TDRKH: variants seen among roughly 807,000 people sequenced by gnomAD.
TDRKH encodes the protein tudor and KH domain containing.
A neutral mutation model predicts 61.3 loss-of-function variants in TDRKH; 28 were observed. That is an observed-to-expected ratio of 0.46 (90% CI 0.34 to 0.63). TDRKH has a LOEUF of 0.63. TDRKH is among the 20% of genes least tolerant of loss of function. The pLI, the probability that TDRKH is intolerant of heterozygous loss-of-function variation, is 0.01. For synonymous variants in TDRKH, 219 were observed against 244.4 expected, an observed-to-expected ratio of 0.90 and a Z score of 0.97; for missense variants, 540 against 683.4, an observed-to-expected ratio of 0.79 and a Z score of 2.34.
rs764627172 is a variant in TDRKH, at chr1:151,781,570, C to T, written c.142G>A (p.Val48Ile). 1 of 1,613,574 alleles carries T rather than the reference C, an allele frequency of 6.2e-7. No individual in the cohort carries two copies. Among genetic ancestry groups the T allele is most frequent in the Non-Finnish European group, 8.5e-7 (1 of 1,179,756 alleles). ...TCTATCTCAATGTCATCTTCCCCAACAAATGTCAGCCGCTCTTCTGCACAG... is the reference window on the plus strand; with the variant it reads ...TCTATCTCAATGTCATCTTCCCCAATAAATGTCAGCCGCTCTTCTGCACAG... ...RESREERLTF[V>I]GEDDIEIEMR... The change falls in exon 3 of 13, where the codon GTT becomes ATT. Residue 48 changes from valine to isoleucine, a missense_variant. Coordinates refer to ENST00000368824, the MANE Select transcript of TDRKH (RefSeq NM_001083965.2).
At chr1:151,774,873 T>C in intron 11 of TDRKH, 67 bp from the exon 12 acceptor site, 2 of 1,546,012 alleles carry the variant, frequency 1.3e-6, no homozygotes, top group Non-Finnish European at 1.8e-6. Flanking sequence ...GGCCACCCTT[T>C]CATTCTTCTC....
intron 1 of TDRKH, among the ~76,000 whole-genome samples, chr1:151,785,966 T>C (rs1474744886): frequency 1.3e-5 from 2 of 152,126 alleles, no homozygotes; most frequent in African/African-American, 2.4e-5. Context: ...AATGAGTAAA[T>C]GTAACTTATG....
rs757759772 is a variant in TDRKH, at chr1:151,776,607, C to T, written c.884-8G>A. On this transcript the variant is annotated splice_polypyrimidine_tract_variant and splice_region_variant and intron_variant, in intron 6 of 12. Coordinates refer to ENST00000368824, the MANE Select transcript of TDRKH (RefSeq NM_001083965.2). ...TGAAGTCAGGACTGGGGACTGAACA[C>T]AGAGATAAGGATGGTGGCCACATCA... 1 of 1,613,738 alleles carries T rather than the reference C, an allele frequency of 6.2e-7. No homozygotes were observed. The highest frequency in any genetic ancestry group is 2.2e-5 in the East Asian group (1 of 44,876).
intron 1 of TDRKH, among the ~76,000 whole-genome samples, chr1:151,784,795 T>G (rs968444735): frequency 6.6e-6 from 1 of 152,168 alleles, no homozygotes; most frequent in African/African-American, 2.4e-5. Context: ...AACTTCCAAA[T>G]TAATAGATCC....
chr1:151,771,009 C>A, downstream of TDRKH: 1 of 1,502,054 alleles, frequency 6.7e-7, no homozygotes, highest in Non-Finnish European at 8.9e-7. Flanking sequence ...TGGAAGAAAT[C>A]AAATCTGGGG....
chr1:151,781,400 T>TATGG, intron 3 of TDRKH, 81 bp downstream of exon 3: 3 of 1,080,936 alleles, frequency 2.8e-6, no homozygotes, highest in Middle Eastern at 2.0e-4. Flanking sequence ...TGTTTTGTGA[T>TATGG]ATGGGGTCAG....
At chr1:151,774,923 G>A in intron 11 of TDRKH, 117 bp from the exon 12 acceptor site, 1 of 1,373,630 alleles carries the variant, frequency 7.3e-7, no homozygotes, top group Non-Finnish European at 1.0e-6. Flanking sequence ...GCTACCAAGA[G>A]GGACAAAATG....
chr1:151,769,765 T>C (rs1648569386), downstream of TDRKH, among the ~76,000 whole-genome samples: 1 of 152,146 alleles, frequency 6.6e-6, no homozygotes, highest in South Asian at 2.1e-4. Context: ...ATCACGCCAC[T>C]GCACTCCAGC....
At chr1:151,767,744 A>G (rs1648412790), downstream of TDRKH, among the ~76,000 whole-genome samples, 1 of 152,234 alleles carries the variant, frequency 6.6e-6, no homozygotes. Context: ...AAGGAAGCAC[A>G]TTATAAAGCT....
chr1:151,787,225 T>C (rs1443708591), intron 1 of TDRKH, among the ~76,000 whole-genome samples: 1 of 152,206 alleles, frequency 6.6e-6, no homozygotes, highest in East Asian at 1.9e-4. Flanking sequence ...ACTTTAGATA[T>C]ATATATTTTT....
At chr1:151,788,040 T>C (rs1650511300) in intron 1 of TDRKH, among the ~76,000 whole-genome samples, 1 of 151,774 alleles carries the variant, frequency 6.6e-6, no homozygotes, top group Non-Finnish European at 1.5e-5. Context: ...TATATACAAA[T>C]AATATGCATC....
At chr1:151,781,082 G>A (rs1459561679) in intron 3 of TDRKH, among the ~76,000 whole-genome samples, 4 of 151,452 alleles carry the variant, frequency 2.6e-5, no homozygotes, top group South Asian at 2.1e-4. Context: ...CTGGGAGGCC[G>A]AGGCAGGCGG....
intron 3 of TDRKH, among the ~76,000 whole-genome samples, chr1:151,780,855 A>T (rs1262605602): frequency 6.6e-6 from 1 of 151,682 alleles, no homozygotes; most frequent in Admixed American, 6.6e-5. Flanking sequence ...GTCTCAAAAA[A>T]AAAAAAAAAA....
chr1:151,769,992 G>C (rs2101562145), downstream of TDRKH: 1 of 916,164 alleles, frequency 1.1e-6, no homozygotes, highest in South Asian at 1.5e-5. Flanking sequence ...GAATCAGGCA[G>C]GGAGGTTGCA....
rs377380901 is a variant in TDRKH at position 151,784,933 on chromosome 1, GT to G, written c.-27-1885del. Among the ~76,000 whole-genome samples the G allele has an allele frequency of 5.8e-3, 738 of 126,492 alleles. 3 individuals carry two copies. The highest frequency in any genetic ancestry group is 0.021 in the East Asian group (93 of 4,410). 83.0% of individuals were successfully genotyped at this position (126,492 alleles called of 152,430 possible). On this transcript the variant is annotated intron_variant, in intron 1 of 12. Coordinates refer to ENST00000368824, the MANE Select transcript of TDRKH (RefSeq NM_001083965.2). ...TTGCCATCTCAGCAAATGGCAATTC[GT>G]TTTTTTTTTTTTTTTTGAGACAAGG...
At chr1:151,785,783 C>T (rs1650254168) in intron 1 of TDRKH, among the ~76,000 whole-genome samples, 1 of 151,992 alleles carries the variant, frequency 6.6e-6, no homozygotes, top group Non-Finnish European at 1.5e-5. Flanking sequence ...TTTTGATCAA[C>T]ATATTCAATT....
At chr1:151,783,336 A>T (rs2101613446) in intron 1 of TDRKH, 1 of 172,522 alleles carries the variant, frequency 5.8e-6, no homozygotes, top group Non-Finnish European at 1.2e-5. Flanking sequence ...TGAAATATAT[A>T]TACTTAGATT....
At chr1:151,784,725 T>C (rs1405757273) in intron 1 of TDRKH, among the ~76,000 whole-genome samples, 1 of 152,106 alleles carries the variant, frequency 6.6e-6, no homozygotes. Flanking sequence ...TCTACCTCAC[T>C]TTCTTGGTGA....
At chr1:151,780,190 G>A (rs769929193) in intron 3 of TDRKH, 50 bp from the exon 4 acceptor site, 8 of 1,583,652 alleles carry the variant, frequency 5.1e-6, no homozygotes, top group Non-Finnish European at 6.9e-6. Context: ...GCTCCCATTT[G>A]AGCCCAGCTA....
Sources: allele counts gnomAD v4.1 joint callset (sites outside exome capture counted in the v4.1 genomes callset), GRCh38; gene constraint gnomAD v4.1.1; transcripts MANE v1.5; gene names NCBI Gene and HGNC (gene_info 2026-07-23, HGNC 2026-07-21).